PRKAG2: variants seen among roughly 807,000 people sequenced by gnomAD.
PRKAG2 encodes 5'-AMP-activated protein kinase subunit gamma-2.
A neutral mutation model predicts 69.6 loss-of-function variants in PRKAG2; 26 were observed. That is an observed-to-expected ratio of 0.37 (90% CI 0.27 to 0.52). The LOEUF is 0.52. PRKAG2 is among the 20% of genes least tolerant of loss of function. PRKAG2 has a pLI of 0.90. For missense variants in PRKAG2, 557 were observed against 740.0 expected (o/e 0.75, Z 2.87); for synonymous variants, 293 against 285.0 (o/e 1.03, Z -0.28).
At chr7:151,708,415 A>G (rs1346416650) in intron 3 of PRKAG2, among the ~76,000 whole-genome samples, 1 of 152,208 alleles carries the variant, frequency 6.6e-6, no homozygotes, top group African/African-American at 2.4e-5. Context: ...GCCATCGAAG[A>G]GAATAGAAGC....
chr7:151,735,920 G>A (rs970680791), intron 3 of PRKAG2: 9 of 1,536,174 alleles, frequency 5.9e-6, no homozygotes, highest in Middle Eastern at 3.3e-4. Context: ...ATGAGGCTCC[G>A]ACTGGCGCCT....
At chr7:151,748,532 A>AT (rs2074445729) in intron 3 of PRKAG2, among the ~76,000 whole-genome samples, 1 of 152,186 alleles carries the variant, frequency 6.6e-6, no homozygotes, top group South Asian at 2.1e-4. Context: ...GAGGCATATG[A>AT]TTTTTAAAGG....
At chr7:151,630,764 A>C (rs1261101925) in intron 5 of PRKAG2, among the ~76,000 whole-genome samples, 3 of 152,262 alleles carry the variant, frequency 2.0e-5, no homozygotes, top group African/African-American at 7.2e-5. Flanking sequence ...CCCTGTGGAC[A>C]GCGGCCAAGA....
chr7:151,572,850 T>G, intron 8 of PRKAG2, 141 bp from the exon 9 acceptor site: 1 of 559,152 alleles, frequency 1.8e-6, no homozygotes, highest in Non-Finnish European at 3.1e-6. Context: ...CGGTTGCTCA[T>G]GCCTGTAATC....
At chr7:151,831,674 G>C (rs1485064614) in intron 1 of PRKAG2, among the ~76,000 whole-genome samples, 2 of 152,142 alleles carry the variant, frequency 1.3e-5, no homozygotes, top group Non-Finnish European at 2.9e-5. Flanking sequence ...ATATTCATTT[G>C]TATGTTCCCC....
At chr7:151,741,805 C>T (rs1304263146) in intron 3 of PRKAG2, among the ~76,000 whole-genome samples, 1 of 152,148 alleles carries the variant, frequency 6.6e-6, no homozygotes, top group Admixed American at 6.5e-5. Context: ...GTCATTCATT[C>T]AACAGGTAGT....
intron 4 of PRKAG2, among the ~76,000 whole-genome samples, chr7:151,633,748 G>A (rs1361033317): frequency 6.6e-6 from 1 of 152,076 alleles, no homozygotes; most frequent in Non-Finnish European, 1.5e-5. Context: ...GATGAAAGAC[G>A]AGCTAATAAA....
In PRKAG2 at chr7:151,756,187, C is replaced by T. The variant is rs953748016; in HGVS notation, c.466+24965G>A. ...GGTACAGTCCCACAGGCCCCTGTGG[C>T]CTCCCTGAAAGTGAGGAGTAAAATG... On this transcript the variant is annotated intron_variant, in intron 3 of 15. Transcript: ENST00000287878. The surrounding 1 kb of genome is among the most constrained non-coding windows in gnomAD (Gnocchi z 4.9). Among the ~76,000 whole-genome samples the T allele has an allele frequency of 2.6e-4, 39 of 152,258 alleles. No homozygotes were observed. The highest frequency in any genetic ancestry group is 8.4e-4 in the African/African-American group (35 of 41,534).
intron 5 of PRKAG2, among the ~76,000 whole-genome samples, chr7:151,610,739 C>CTTTTT (rs10523596): frequency 1.5e-3 from 157 of 105,552 alleles, no homozygotes; most frequent in African/African-American, 2.1e-3. Flanking sequence ...TTTTTCTTTT[C>CTTTTT]TTTTTTTTTT....
rs969142408 is a variant in PRKAG2, at chr7:151,577,943, G to A, written c.865-1491C>T. Among the ~76,000 whole-genome samples the A allele has an allele frequency of 6.7e-5, 10 of 150,290 alleles. No homozygotes were observed. The East Asian group carries it at 1.9e-3, about 29-fold the overall frequency. Reference sequence around the variant, plus strand: ...TTAAACTGATACATTAAGAAGCTGGGATAGTAAAATGTTTCTTTAAAAAAA... The same window carrying A: ...TTAAACTGATACATTAAGAAGCTGGAATAGTAAAATGTTTCTTTAAAAAAA... On this transcript the variant is annotated intron_variant, in intron 6 of 15. Transcript: ENST00000287878.
intron 1 of PRKAG2, among the ~76,000 whole-genome samples, chr7:151,864,210 A>G (rs1235923973): frequency 6.6e-6 from 1 of 152,194 alleles, no homozygotes; most frequent in Admixed American, 6.5e-5. Context: ...GCAGATGGCA[A>G]TGCTGGCTCC....
chr7:151,875,950 A>AC (rs1297056477), intron 1 of PRKAG2, among the ~76,000 whole-genome samples: 1 of 151,368 alleles, frequency 6.6e-6, no homozygotes, highest in Non-Finnish European at 1.5e-5. Context: ...GGCAGAGGAG[A>AC]CCCCCGCTCC....
At chr7:151,824,178 A>T (rs2078856431) in intron 1 of PRKAG2, among the ~76,000 whole-genome samples, 1 of 152,222 alleles carries the variant, frequency 6.6e-6, no homozygotes, top group Admixed American at 6.5e-5. Flanking sequence ...GGCATGCCGT[A>T]AATCGCCCTT....
intron 6 of PRKAG2, among the ~76,000 whole-genome samples, chr7:151,581,597 C>T (rs1412839791): frequency 6.6e-6 from 1 of 152,050 alleles, no homozygotes; most frequent in Non-Finnish European, 1.5e-5. Context: ...TTAAAAAAAC[C>T]CAAGAATAAA....
At chr7:151,683,126 G>A (rs985198837) in intron 3 of PRKAG2, among the ~76,000 whole-genome samples, 1 of 152,254 alleles carries the variant, frequency 6.6e-6, no homozygotes, top group African/African-American at 2.4e-5. Flanking sequence ...GAACAGCCCA[G>A]CGAGGGAACA....
chr7:151,790,182 T>C (rs1037904179), intron 1 of PRKAG2, among the ~76,000 whole-genome samples: 2 of 152,112 alleles, frequency 1.3e-5, no homozygotes, highest in African/African-American at 4.8e-5. Flanking sequence ...CCTGGTGCCA[T>C]TCACCAAACA....
intron 4 of PRKAG2, among the ~76,000 whole-genome samples, chr7:151,640,138 A>G (rs113736539): frequency 0.015 from 2,346 of 152,100 alleles, 46 homozygotes; most frequent in African/African-American, 0.054. Context: ...TGGTGAAACA[A>G]TGTCTCTATG....
At chr7:151,631,128 G>A (rs1048028392) in intron 5 of PRKAG2, among the ~76,000 whole-genome samples, 1 of 152,178 alleles carries the variant, frequency 6.6e-6, no homozygotes, top group East Asian at 1.9e-4. Context: ...CATCCACATG[G>A]CACGTTCTTT....
chr7:151,833,076 G>C (rs532902929), intron 1 of PRKAG2, among the ~76,000 whole-genome samples: 223 of 152,342 alleles, frequency 1.5e-3, no homozygotes, highest in Non-Finnish European at 2.6e-3. Context: ...CCATCACGAA[G>C]CTGGCTTTCC....
Sources: allele counts gnomAD v4.1 joint callset (sites outside exome capture counted in the v4.1 genomes callset), GRCh38; gene constraint gnomAD v4.1.1; non-coding constraint Gnocchi (gnomAD v3.1); transcripts MANE v1.5; gene names NCBI Gene and HGNC (gene_info 2026-07-23, HGNC 2026-07-21).